Variants in HHAT observed in about 807,000 individuals in gnomAD.
The protein encoded by HHAT is protein-cysteine N-palmitoyltransferase HHAT.
HHAT carries 47 observed loss-of-function variants against 70.8 expected under a neutral mutation model. That is an observed-to-expected ratio of 0.66 (90% CI 0.53 to 0.85). HHAT has a LOEUF of 0.85. HHAT is among the 40% of genes least tolerant of loss of function. The pLI is 0.00. For missense variants in HHAT, 609 were observed against 604.8 expected (o/e 1.01, Z -0.07); for synonymous variants, 228 against 247.6 (o/e 0.92, Z 0.74).
intron 8 of HHAT, among the ~76,000 whole-genome samples, chr1:210,493,302 A>G (rs1446595353): frequency 6.6e-6 from 1 of 152,164 alleles, no homozygotes; most frequent in Non-Finnish European, 1.5e-5. Flanking sequence ...AATAATTGGC[A>G]AATTCAAACT....
chr1:210,636,692 T>C (rs1246580381), intron 11 of HHAT, among the ~76,000 whole-genome samples: 2 of 152,186 alleles, frequency 1.3e-5, no homozygotes, highest in African/African-American at 2.4e-5. Context: ...ACAAATAATA[T>C]ACCTACCATT....
chr1:210,564,628 ACTT>A (rs1654194688), intron 9 of HHAT, among the ~76,000 whole-genome samples: 1 of 152,266 alleles, frequency 6.6e-6, no homozygotes, highest in Admixed American at 6.5e-5. Context: ...TTTAAAAAAT[ACTT>A]CTAAAGGTAA....
intron 6 of HHAT, among the ~76,000 whole-genome samples, chr1:210,412,982 G>T (rs2092609753): frequency 6.6e-6 from 1 of 152,226 alleles, no homozygotes; most frequent in African/African-American, 2.4e-5. Context: ...ACGGGGAGTG[G>T]GGAGCAGAGC....
At chr1:210,413,629 C>G (rs2092630751) in intron 6 of HHAT, among the ~76,000 whole-genome samples, 1 of 152,188 alleles carries the variant, frequency 6.6e-6, no homozygotes, top group South Asian at 2.1e-4. Flanking sequence ...CCACAAAACA[C>G]TAGGATACGA....
chr1:210,609,877 G>A (rs1666243079), intron 10 of HHAT, among the ~76,000 whole-genome samples: 1 of 152,194 alleles, frequency 6.6e-6, no homozygotes, highest in Non-Finnish European at 1.5e-5. Flanking sequence ...ATTTCATGGT[G>A]TATATATACC....
At chr1:210,371,337 A>G (rs923781951) in intron 3 of HHAT, among the ~76,000 whole-genome samples, 1 of 152,220 alleles carries the variant, frequency 6.6e-6, no homozygotes, top group Middle Eastern at 3.4e-3. Context: ...TTTAGTAGAG[A>G]CAGGTTTTCA....
intron 2 of HHAT, among the ~76,000 whole-genome samples, chr1:210,356,645 C>G (rs367993830): frequency 6.6e-6 from 1 of 152,160 alleles, no homozygotes; most frequent in East Asian, 1.9e-4. Context: ...TTACTAAGCT[C>G]GATTTATGAA....
At chr1:210,408,478 C>T (rs1215019044) in intron 6 of HHAT, among the ~76,000 whole-genome samples, 8 of 152,148 alleles carry the variant, frequency 5.3e-5, no homozygotes, top group African/African-American at 1.9e-4. Flanking sequence ...CCACCATGCT[C>T]GGCCTCTTAC....
In HHAT at chr1:210,550,012, T is replaced by C. The variant is rs562368165; in HGVS notation, c.1043+36824T>C. Among the ~76,000 whole-genome samples, 9 of 149,292 alleles carry C rather than the reference T, an allele frequency of 6.0e-5. No homozygotes were observed. In the South Asian group the frequency reaches 1.7e-3, roughly 29 times the overall value. Reference sequence around the variant, plus strand: ...TGTTTACTGTCTCTACTCACCCCCTTATCCACTATCCTCCCCAGGCACTGT... The same window carrying C: ...TGTTTACTGTCTCTACTCACCCCCTCATCCACTATCCTCCCCAGGCACTGT... On this transcript the variant is annotated intron_variant, in intron 9 of 11. Transcript: ENST00000261458.
chr1:210,387,400 A>G (rs1266293205), intron 3 of HHAT, 68 bp from the exon 4 acceptor site: 13 of 1,294,746 alleles, frequency 1.0e-5, no homozygotes, highest in Non-Finnish European at 1.2e-5. Context: ...AGTTTTATTA[A>G]CTGGAGTTTG....
chr1:210,576,151 T>A (rs1008301673), intron 9 of HHAT, among the ~76,000 whole-genome samples: 1 of 152,070 alleles, frequency 6.6e-6, no homozygotes, highest in Admixed American at 6.5e-5. Flanking sequence ...GATGGTGACA[T>A]TTTTAGGACT....
intron 9 of HHAT, among the ~76,000 whole-genome samples, chr1:210,578,249 T>C (rs1156275119): frequency 1.3e-5 from 2 of 152,146 alleles, no homozygotes; most frequent in Admixed American, 6.5e-5. Context: ...ATGCTCAATA[T>C]CACCAGTCAT....
chr1:210,473,964 G>A (rs2094255608), intron 8 of HHAT, among the ~76,000 whole-genome samples: 1 of 152,126 alleles, frequency 6.6e-6, no homozygotes, highest in South Asian at 2.1e-4. Context: ...AATATTTACA[G>A]AATATTTGGA....
chr1:210,329,669 G>A (rs919596947), intron 1 of HHAT, among the ~76,000 whole-genome samples: 1 of 152,306 alleles, frequency 6.6e-6, no homozygotes, highest in East Asian at 1.9e-4. Context: ...TTGGATCAGG[G>A]TTGTAGGGCT....
chr1:210,375,393 C>T (rs1365027092), intron 3 of HHAT, among the ~76,000 whole-genome samples: 1 of 152,144 alleles, frequency 6.6e-6, no homozygotes, highest in African/African-American at 2.4e-5. Flanking sequence ...GATTTTCTTT[C>T]TCTGAAGTCT....
chr1:210,550,041 G>A (rs958322926), intron 9 of HHAT, among the ~76,000 whole-genome samples: 3 of 149,076 alleles, frequency 2.0e-5, no homozygotes, highest in African/African-American at 7.4e-5. Context: ...GCACTGTGCC[G>A]ATTTTCAACT....
At chr1:210,568,503 G>T (rs941460968) in intron 9 of HHAT, among the ~76,000 whole-genome samples, 1 of 152,174 alleles carries the variant, frequency 6.6e-6, no homozygotes, top group Non-Finnish European at 1.5e-5. Context: ...AAAGAATTGG[G>T]CAAAATGCAC....
At chr1:210,523,629 C>A (rs112994379) in intron 9 of HHAT, among the ~76,000 whole-genome samples, 2 of 152,148 alleles carry the variant, frequency 1.3e-5, no homozygotes, top group African/African-American at 2.4e-5. Context: ...CGCACACGTG[C>A]GCATGTGTGT....
At chr1:210,577,104 C>T (rs1234521656) in intron 9 of HHAT, among the ~76,000 whole-genome samples, 2 of 150,020 alleles carry the variant, frequency 1.3e-5, no homozygotes, top group Non-Finnish European at 3.0e-5. Context: ...GGGTTTTTTA[C>T]GTATAAGATC....
Sources: gnomAD v4.1 joint callset for allele counts (sites outside exome capture counted in the v4.1 genomes callset) on GRCh38, gnomAD v4.1.1 for gene constraint, MANE v1.5 for transcripts, NCBI Gene and HGNC (gene_info 2026-07-23, HGNC 2026-07-21) for gene names.